The following SMG1 variants were observed in gnomAD, a reference collection of about 807,000 sequenced individuals.
SMG1 encodes the protein SMG1 nonsense mediated mRNA decay associated PI3K related kinase.
SMG1 carries 22 observed loss-of-function variants against 419.9 expected under a neutral mutation model. The observed-to-expected ratio is 0.05, with a 90% CI of 0.04 to 0.07. SMG1 has a LOEUF of 0.07. Ranked by LOEUF, SMG1 falls within the 10% of genes least tolerant of loss-of-function variation. SMG1 has a pLI of 1.00. For synonymous variants in SMG1, 1,538 were observed against 1,553.5 expected (o/e 0.99, Z 0.23); for missense variants, 3,185 against 4,342.0 (o/e 0.73, Z 7.49).
chr16:18,844,006 T>G (rs1046110688), intron 39 of SMG1, among the ~76,000 whole-genome samples: 1 of 121,684 alleles, frequency 8.2e-6, no homozygotes, highest in African/African-American at 2.9e-5. Context: ...TTTCTATGAT[T>G]ATACACACAC....
chr16:18,856,329 A>ATTTTTTTTTTTTTTTTTTTTTTTTTTTTT (rs11365913), intron 29 of SMG1: 1 of 84,690 alleles, frequency 1.2e-5, no homozygotes, highest in Non-Finnish European at 2.2e-5. Flanking sequence ...CACCCAGGTG[A>ATTTTTTTTTTTTTTTTTTTTTTTTTTTTT]TTTTTTTTTT....
At chr16:18,901,041 T>C (rs3901436) in intron 1 of SMG1, among the ~76,000 whole-genome samples, 5,200 of 151,748 alleles carry the variant, frequency 0.034, 303 homozygotes, top group African/African-American at 0.12. Context: ...TATACAAATC[T>C]CTTCTTGCAG....
At chr16:18,905,453 C>T (rs1249871193) in intron 1 of SMG1, among the ~76,000 whole-genome samples, 3 of 152,116 alleles carry the variant, frequency 2.0e-5, no homozygotes, top group Non-Finnish European at 4.4e-5. Context: ...GTAGGAACTG[C>T]CACTCAAGAC....
rs773401762 is a variant in SMG1, at chr16:18,850,187, A to G, written c.5283+50T>C. The stretch of plus-strand genomic sequence containing the variant: ...TAACTCAGAACACTACTTTTGTTTA[A>G]TAAGAAAAAGTTTCCAAAATAAATT... On this transcript the variant is annotated intron_variant, in intron 34 of 62. Transcript: ENST00000446231. 82 of 1,583,194 alleles carry G rather than the reference A, an allele frequency of 5.2e-5. No homozygotes were observed. The African/African-American group carries it at 8.1e-4, about 16-fold the overall frequency.
intron 1 of SMG1, among the ~76,000 whole-genome samples, chr16:18,898,959 A>G (rs1209487511): frequency 1.3e-5 from 2 of 152,216 alleles, no homozygotes; most frequent in Non-Finnish European, 2.9e-5. Context: ...TGTCTCTTGC[A>G]TAAAATGAGG....
Position 18,882,320 on chromosome 16 carries a change from A to G in SMG1, c.1138T>C (p.Ser380Pro). The G allele has an allele frequency of 6.2e-7, 1 of 1,607,720 alleles. No individual in the cohort carries two copies. The highest frequency in any genetic ancestry group is 1.1e-5 in the South Asian group (1 of 90,540). ...AYAEDLSHVA[S>P]GESVDEDVPP... Reference sequence around the variant, plus strand: ...ACATCTTCATCCACTGATTCCCCAGAGGCCACATGGCTGAGGTCCTAGATG... The same window carrying G: ...ACATCTTCATCCACTGATTCCCCAGGGGCCACATGGCTGAGGTCCTAGATG... The change falls in exon 10 of 63, where the codon TCT becomes CCT. Residue 380 changes from serine (S) to proline (P), a missense_variant. This residue lies in a region of SMG1 where 52 missense variants were observed against 69.0 expected (regional missense o/e 0.75). Coordinates refer to ENST00000446231, the MANE Select transcript of SMG1 (RefSeq NM_015092.5).
intron 39 of SMG1, among the ~76,000 whole-genome samples, chr16:18,843,573 CAAA>C (rs1567352936): frequency 6.6e-6 from 1 of 152,122 alleles, no homozygotes; most frequent in Non-Finnish European, 1.5e-5. Context: ...TGCCCAATGA[CAAA>C]AGAATAAATT....
At chr16:18,921,427 ATT>A (rs1197949325) in intron 1 of SMG1, among the ~76,000 whole-genome samples, 1 of 152,202 alleles carries the variant, frequency 6.6e-6, no homozygotes, top group Admixed American at 6.5e-5. Context: ...TTTTTAGTTT[ATT>A]ATGGCTGTTT....
At chr16:18,820,729 G>A (rs1168104285) in intron 55 of SMG1, among the ~76,000 whole-genome samples, 1 of 152,130 alleles carries the variant, frequency 6.6e-6, no homozygotes, top group Non-Finnish European at 1.5e-5. Context: ...ATACACTGTA[G>A]AGAAAGCTTA....
chr16:18,814,423 TG>T (rs576676565), intron 60 of SMG1, among the ~76,000 whole-genome samples: 2 of 150,710 alleles, frequency 1.3e-5, no homozygotes, highest in African/African-American at 4.9e-5. Flanking sequence ...TGCTTGAATC[TG>T]GGGGGTGGAG....
intron 42 of SMG1, among the ~76,000 whole-genome samples, chr16:18,839,249 T>G (rs1054008231): frequency 7.9e-5 from 12 of 152,110 alleles, no homozygotes; most frequent in African/African-American, 2.7e-4. Context: ...GTGAGTAAAT[T>G]GTATGTCACT....
intron 1 of SMG1, among the ~76,000 whole-genome samples, chr16:18,922,668 G>C (rs1414063004): frequency 2.0e-5 from 3 of 152,084 alleles, no homozygotes; most frequent in Non-Finnish European, 2.9e-5. Flanking sequence ...TAGAGACGGG[G>C]TTTCACCATG....
chr16:18,837,612 C>T (rs1212966984), intron 45 of SMG1, among the ~76,000 whole-genome samples, 169 bp from the exon 46 acceptor site: 1 of 152,186 alleles, frequency 6.6e-6, no homozygotes, highest in Non-Finnish European at 1.5e-5. Flanking sequence ...TTTACACAGG[C>T]ATAAACTGAC....
At chr16:18,880,486 A>T (rs1408543751) in intron 10 of SMG1, among the ~76,000 whole-genome samples, 1 of 152,134 alleles carries the variant, frequency 6.6e-6, no homozygotes, top group Non-Finnish European at 1.5e-5. Context: ...GATTAGCTGG[A>T]AGGTTCTCTT....
At chr16:18,836,886 A>C (rs1289431722) in intron 46 of SMG1, among the ~76,000 whole-genome samples, 6 of 152,174 alleles carry the variant, frequency 3.9e-5, no homozygotes, top group African/African-American at 1.4e-4. Context: ...CTTTCAGTTA[A>C]TCATCTTATT....
intron 11 of SMG1, chr16:18,877,561 G>C (rs2036194960): frequency 5.4e-6 from 1 of 185,876 alleles, no homozygotes; most frequent in African/African-American, 2.3e-5. Context: ...AAAGTCCATA[G>C]AATACATAAC....
At chr16:18,874,918 T>TC (rs1186379418) in intron 13 of SMG1, among the ~76,000 whole-genome samples, 8 of 127,472 alleles carry the variant, frequency 6.3e-5, no homozygotes, top group Non-Finnish European at 3.4e-5. Context: ...TTTTTTTTTT[T>TC]TCCCCTAAAA....
intron 6 of SMG1, among the ~76,000 whole-genome samples, chr16:18,886,208 T>C (rs1478765040): frequency 1.3e-5 from 2 of 151,868 alleles, no homozygotes; most frequent in African/African-American, 4.8e-5. Context: ...CAACAATTAC[T>C]TTGCAATCCG....
intron 23 of SMG1, 43 bp from the exon 24 acceptor site, chr16:18,864,187 CTTT>C (rs748193551): frequency 0.018 from 10,308 of 583,236 alleles, 13 homozygotes; most frequent in East Asian, 0.027. Context: ...TATCTACTTA[CTTT>C]TTTTTTTTTT....
Sources: allele counts gnomAD v4.1 joint callset (sites outside exome capture counted in the v4.1 genomes callset), GRCh38; gene constraint gnomAD v4.1.1; regional missense constraint gnomAD v4.1.1; transcripts MANE v1.5; gene names NCBI Gene and HGNC (gene_info 2026-07-23, HGNC 2026-07-21).